Variants in CADPS2 observed in about 807,000 individuals in gnomAD.
The protein encoded by CADPS2 is calcium dependent secretion activator 2.
In CADPS2, 93 loss-of-function variants were observed where a neutral mutation model predicts 172.5. That is an observed-to-expected ratio of 0.54 (90% CI 0.46 to 0.64). The LOEUF (loss-of-function observed/expected upper bound fraction) is 0.64, where lower values mean the gene tolerates loss of function less well. Among genes scored for constraint, CADPS2 ranks in the 30% least tolerant of loss-of-function variants. The pLI, the probability that CADPS2 is intolerant of heterozygous loss-of-function variation, is 0.00. For missense variants in CADPS2, 1,420 were observed against 1,565.9 expected, an observed-to-expected ratio of 0.91 and a Z score of 1.57; for synonymous variants, 546 against 555.2, an observed-to-expected ratio of 0.98 and a Z score of 0.23.
At chr7:122,466,523 G>A (rs1330228475) in intron 14 of CADPS2, among the ~76,000 whole-genome samples, 1 of 152,164 alleles carries the variant, frequency 6.6e-6, no homozygotes, top group Non-Finnish European at 1.5e-5. Context: ...CACTGACTCA[G>A]TGCTCTTCCA....
chr7:122,659,327 C>T (rs201370115), intron 3 of CADPS2, among the ~76,000 whole-genome samples: 1 of 53,642 alleles, frequency 1.9e-5, no homozygotes, highest in Admixed American at 1.5e-4. Context: ...AAAAAAAAAA[C>T]ACCGTGGAAA....
intron 16 of CADPS2, chr7:122,439,519 C>A (rs1416370810): frequency 6.6e-6 from 1 of 152,118 alleles, no homozygotes; most frequent in African/African-American, 2.4e-5. Context: ...TCAGCCTCAG[C>A]ACTAAGGATT....
intron 20 of CADPS2, chr7:122,395,390 T>A (rs1461245143): frequency 1.3e-5 from 2 of 152,202 alleles, no homozygotes; most frequent in Admixed American, 1.3e-4. Flanking sequence ...CATTTCCCAT[T>A]AAATTGTGAA....
At chr7:122,837,456 C>CA (rs900935700) in intron 1 of CADPS2, among the ~76,000 whole-genome samples, 3 of 152,034 alleles carry the variant, frequency 2.0e-5, no homozygotes, top group African/African-American at 7.2e-5. Context: ...GACAGAGACA[C>CA]AAAAAACCCT....
intron 1 of CADPS2, among the ~76,000 whole-genome samples, chr7:122,824,458 C>T (rs1167595804): frequency 6.6e-6 from 1 of 152,192 alleles, no homozygotes; most frequent in East Asian, 1.9e-4. Context: ...GGATTCTTGA[C>T]AATCTGATAT....
intron 25 of CADPS2, among the ~76,000 whole-genome samples, chr7:122,363,085 T>A (rs968147083): frequency 1.3e-5 from 2 of 152,232 alleles, no homozygotes; most frequent in Non-Finnish European, 2.9e-5. Flanking sequence ...AATTTAGCAC[T>A]TTCTTCCTGC....
At chr7:122,404,149 C>T (rs1354364398) in intron 20 of CADPS2, among the ~76,000 whole-genome samples, 1 of 152,084 alleles carries the variant, frequency 6.6e-6, no homozygotes. Flanking sequence ...CCCCTCTCCC[C>T]ACCCCATAAC....
chr7:122,785,968 C>T (rs928160764), intron 1 of CADPS2, among the ~76,000 whole-genome samples: 1 of 152,136 alleles, frequency 6.6e-6, no homozygotes, highest in African/African-American at 2.4e-5. Context: ...AGAAATAAAC[C>T]ACATGCAGAT....
chr7:122,533,580 T>C (rs2061968133), intron 8 of CADPS2, among the ~76,000 whole-genome samples: 1 of 152,178 alleles, frequency 6.6e-6, no homozygotes, highest in African/African-American at 2.4e-5. Context: ...TTTACCTCTT[T>C]GTGTTTCCCT....
chr7:122,689,842 C>T (rs552885553), intron 2 of CADPS2, among the ~76,000 whole-genome samples: 7 of 152,176 alleles, frequency 4.6e-5, no homozygotes, highest in South Asian at 2.1e-4. Flanking sequence ...TGGTGGTGTC[C>T]GCAATGGGGG....
rs367547405 is a variant in CADPS2 at position 122,416,133 on chromosome 7, C to G, written c.2508G>C (p.Lys836Asn). 1.3e-6 allele frequency: 2 copies of G among 1,551,048 alleles called. No individual in the cohort carries two copies. The highest frequency in any genetic ancestry group is 1.7e-6 in the Non-Finnish European group (2 of 1,143,386). Residue 836 changes from lysine (K) to asparagine (N), a missense_variant, in exon 18 of 30, where the codon AAG (lysine) becomes AAC (asparagine). Physicochemically the swap from Lys to Asn is moderately conservative, Grantham distance 94 (BLOSUM62 0). Transcript: ENST00000449022. Reference sequence around the variant, plus strand: ...CTGCCAGATGAAGAATCTCTTCCAGCTTTCTAGCAGGAGATGCCTGGTTCA... The same window carrying G: ...CTGCCAGATGAAGAATCTCTTCCAGGTTTCTAGCAGGAGATGCCTGGTTCA... ...ETMNQASPAR[K>N]LEEILHLAEL...
At chr7:122,733,388 TG>T (rs1404660909) in intron 2 of CADPS2, among the ~76,000 whole-genome samples, 4 of 151,902 alleles carry the variant, frequency 2.6e-5, no homozygotes, top group Non-Finnish European at 5.9e-5. Context: ...TGTGCTAAAC[TG>T]GGGATACAAT....
At chr7:122,702,544 T>C (rs1228380846) in intron 2 of CADPS2, 3 of 1,613,626 alleles carry the variant, frequency 1.9e-6, no homozygotes, top group South Asian at 2.2e-5. Context: ...CAGACACCCT[T>C]TCCAGAGGAG....
intron 2 of CADPS2, among the ~76,000 whole-genome samples, chr7:122,696,372 G>C (rs2085087740): frequency 6.6e-6 from 1 of 152,184 alleles, no homozygotes; most frequent in Non-Finnish European, 1.5e-5. Flanking sequence ...TAACACAAAA[G>C]TCTCTAAAGT....
chr7:122,746,266 A>G (rs926759067), intron 1 of CADPS2, among the ~76,000 whole-genome samples: 11 of 152,340 alleles, frequency 7.2e-5, no homozygotes, highest in South Asian at 4.1e-4. Context: ...CACAGTGGTC[A>G]CTAACCACAT....
chr7:122,565,183 T>C (rs1433105694), intron 7 of CADPS2, among the ~76,000 whole-genome samples: 1 of 151,626 alleles, frequency 6.6e-6, no homozygotes, highest in Non-Finnish European at 1.5e-5. Flanking sequence ...CGCTATGCAG[T>C]ATAACCATGT....
At chr7:122,718,412 A>G (rs1044834968) in intron 2 of CADPS2, among the ~76,000 whole-genome samples, 3 of 152,028 alleles carry the variant, frequency 2.0e-5, no homozygotes, top group East Asian at 3.9e-4. Flanking sequence ...AGAAAGAGGG[A>G]GGAAGAAAGA....
intron 2 of CADPS2, among the ~76,000 whole-genome samples, chr7:122,694,596 T>C (rs1220936499): frequency 2.6e-5 from 4 of 152,090 alleles, no homozygotes; most frequent in Admixed American, 1.3e-4. Flanking sequence ...AGGTAACAAA[T>C]TGTGGTAGAA....
At chr7:122,746,811 C>T (rs1316245706) in intron 1 of CADPS2, among the ~76,000 whole-genome samples, 2 of 152,100 alleles carry the variant, frequency 1.3e-5, no homozygotes, top group Non-Finnish European at 2.9e-5. Context: ...CTTCATTCAC[C>T]TGAGCCTTAC....
Sources: gnomAD v4.1 joint callset for allele counts (sites outside exome capture counted in the v4.1 genomes callset) on GRCh38, gnomAD v4.1.1 for gene constraint, MANE v1.5 for transcripts, NCBI Gene and HGNC (gene_info 2026-07-23, HGNC 2026-07-21) for gene names.